Variants in CCDC7 observed in about 807,000 individuals in gnomAD.
CCDC7 encodes the protein coiled-coil domain containing 7.
Under a neutral mutation model 196.9 loss-of-function variants are expected in CCDC7, and 183 were observed. The observed-to-expected ratio is 0.93, with a 90% CI of 0.82 to 1.05. The LOEUF is 1.05. Ranked by LOEUF, CCDC7 falls within the 50% of genes least tolerant of loss-of-function variation. CCDC7 has a pLI of 0.00. For missense variants in CCDC7, 1,540 were observed against 1,482.2 expected, an observed-to-expected ratio of 1.04 and a Z score of -0.64; for synonymous variants, 525 against 484.6, an observed-to-expected ratio of 1.08 and a Z score of -1.10.
chr10:32,765,180 T>G (rs2078081995), intron 28 of CCDC7, among the ~76,000 whole-genome samples: 1 of 152,028 alleles, frequency 6.6e-6, no homozygotes. Context: ...GCCCAAAATT[T>G]ATACCTTTAA....
chr10:32,735,582 C>G (rs987384428), intron 28 of CCDC7, among the ~76,000 whole-genome samples: 1 of 152,024 alleles, frequency 6.6e-6, no homozygotes, highest in Non-Finnish European at 1.5e-5. Flanking sequence ...CTTATTGTGT[C>G]AGGTATGTGT....
chr10:32,584,378 A>C (rs2059027884), intron 18 of CCDC7, 74 bp downstream of exon 19: 2 of 987,932 alleles, frequency 2.0e-6, no homozygotes, highest in South Asian at 3.4e-5. Flanking sequence ...ATTATAAATA[A>C]ATGAGGGGAA....
At position 32,544,238 on chromosome 10, in the gene CCDC7, A is replaced by T; in HGVS notation, c.1080-9A>T. 1 of 1,599,106 alleles carries T rather than the reference A, an allele frequency of 6.3e-7. No individual in the cohort carries two copies. The highest frequency in any genetic ancestry group is 8.5e-7 in the Non-Finnish European group (1 of 1,172,400). On this transcript the variant is annotated splice_polypyrimidine_tract_variant and intron_variant, in intron 12 of 41. Transcript: ENST00000639629. ...ATCATGATGCATTTTAAAACATTTT[A>T]TGTTACAGGAAGATGTCTCCAGAAA...
At chr10:32,693,482 ATTC>A (rs1282597550) in intron 23 of CCDC7, among the ~76,000 whole-genome samples, 1 of 151,600 alleles carries the variant, frequency 6.6e-6, no homozygotes, top group Non-Finnish European at 1.5e-5. Context: ...CCTTCACATT[ATTC>A]TTTGAAATCC....
At chr10:32,744,398 A>G (rs566213521) in intron 28 of CCDC7, among the ~76,000 whole-genome samples, 2 of 151,714 alleles carry the variant, frequency 1.3e-5, no homozygotes, top group African/African-American at 2.4e-5. Context: ...AGAAACAGCC[A>G]AAGTGTCTTC....
chr10:32,850,393 A>G (rs908739287), intron 39 of CCDC7, among the ~76,000 whole-genome samples: 10 of 152,174 alleles, frequency 6.6e-5, no homozygotes, highest in African/African-American at 2.4e-4. Context: ...TTCAAGTTCT[A>G]AGAGCAGCAT....
At chr10:32,713,439 T>C (rs568129594) in intron 25 of CCDC7, among the ~76,000 whole-genome samples, 24 of 152,366 alleles carry the variant, frequency 1.6e-4, no homozygotes, top group African/African-American at 5.8e-4. Flanking sequence ...CTAGTCATGC[T>C]TATTTGTGAA....
intron 29 of CCDC7, among the ~76,000 whole-genome samples, chr10:32,788,676 C>T (rs1184096233): frequency 2.0e-5 from 3 of 152,230 alleles, no homozygotes; most frequent in Admixed American, 6.5e-5. Context: ...AGCACCAATC[C>T]ATCTCCATGG....
At chr10:32,825,393 A>C (rs1333475841) in intron 32 of CCDC7, among the ~76,000 whole-genome samples, 1 of 152,200 alleles carries the variant, frequency 6.6e-6, no homozygotes, top group Non-Finnish European at 1.5e-5. Context: ...GCATGGCTAG[A>C]ATATAAAGCA....
At chr10:32,629,734 G>C (rs2064572747) in intron 18 of CCDC7, among the ~76,000 whole-genome samples, 1 of 152,114 alleles carries the variant, frequency 6.6e-6, no homozygotes, top group South Asian at 2.1e-4. Flanking sequence ...TCTCCAGTGA[G>C]AGATTTCAGG....
chr10:32,712,421 T>A (rs937951533), intron 25 of CCDC7, among the ~76,000 whole-genome samples: 1 of 152,212 alleles, frequency 6.6e-6, no homozygotes, highest in Non-Finnish European at 1.5e-5. Flanking sequence ...GGGTTTTAGG[T>A]CCTTGTGCCT....
intron 3 of CCDC7, among the ~76,000 whole-genome samples, chr10:32,457,873 GT>G (rs60179387): frequency 0.028 from 4,203 of 149,684 alleles, 157 homozygotes; most frequent in African/African-American, 0.088. Flanking sequence ...TTTAAAATCA[GT>G]TTTTTTTTGC....
chr10:32,629,230 C>T (rs2064478797), intron 18 of CCDC7, among the ~76,000 whole-genome samples: 1 of 151,926 alleles, frequency 6.6e-6, no homozygotes. Flanking sequence ...ATGAATTGAC[C>T]CCTTTATCAT....
chr10:32,845,394 T>G, intron 34 of CCDC7, 68 bp downstream of exon 35: 1 of 1,307,028 alleles, frequency 7.7e-7, no homozygotes, highest in Non-Finnish European at 1.1e-6. Flanking sequence ...AAATTAAGTA[T>G]AGACCTTTAA....
At chr10:32,544,687 A>G (rs2052120098) in intron 13 of CCDC7, among the ~76,000 whole-genome samples, 1 of 152,166 alleles carries the variant, frequency 6.6e-6, no homozygotes, top group Non-Finnish European at 1.5e-5. Flanking sequence ...CAAAATTTTC[A>G]TAACCCAAAT....
intron 9 of CCDC7, among the ~76,000 whole-genome samples, chr10:32,504,146 T>C: frequency 7.4e-6 from 1 of 135,700 alleles, no homozygotes; most frequent in African/African-American, 2.6e-5. Context: ...GAGATGGAGT[T>C]TTGCTCTGTC....
At chr10:32,748,821 CT>C in intron 28 of CCDC7, among the ~76,000 whole-genome samples, 1 of 152,252 alleles carries the variant, frequency 6.6e-6, no homozygotes, top group East Asian at 1.9e-4. Context: ...AGTACGTGTC[CT>C]GAGAGCAGAC....
At chr10:32,854,365 C>A in intron 40 of CCDC7, 35 bp from the exon 42 acceptor site, 1 of 1,152,534 alleles carries the variant, frequency 8.7e-7, no homozygotes, top group Non-Finnish European at 1.3e-6. Flanking sequence ...CTTAATTTAC[C>A]ACATAATTTA....
intron 9 of CCDC7, among the ~76,000 whole-genome samples, chr10:32,494,055 T>G (rs868370399): frequency 6.6e-6 from 1 of 152,326 alleles, no homozygotes; most frequent in Middle Eastern, 3.4e-3. Context: ...CAGTCCCATT[T>G]GTCTATTTTT....
Sources: allele counts gnomAD v4.1 joint callset (sites outside exome capture counted in the v4.1 genomes callset), GRCh38; gene constraint gnomAD v4.1.1; transcripts MANE v1.5; gene names NCBI Gene and HGNC (gene_info 2026-07-23, HGNC 2026-07-21).